ALG1: variants seen among roughly 807,000 people sequenced by gnomAD.
ALG1 encodes the protein chitobiosyldiphosphodolichol beta-mannosyltransferase.
ALG1 carries 58 observed loss-of-function variants against 55.1 expected under a neutral mutation model. That is an observed-to-expected ratio of 1.05 (90% confidence interval 0.85 to 1.31). ALG1 has a LOEUF of 1.31. Among genes scored for constraint, ALG1 ranks in the 50% most tolerant of loss-of-function variants. The pLI, the probability that ALG1 is intolerant of heterozygous loss-of-function variation, is 0.00. For synonymous variants in ALG1, 309 were observed against 247.0 expected, an observed-to-expected ratio of 1.25 and a Z score of -2.35; for missense variants, 761 against 598.6, an observed-to-expected ratio of 1.27 and a Z score of -2.83.
chr16:5,084,371 T>C, intron 12 of ALG1: 1 of 412,698 alleles, frequency 2.4e-6, no homozygotes, highest in Non-Finnish European at 4.6e-6. Context: ...GGCTGTAGTT[T>C]GTGATCCTTG....
Position 5,073,217 on chromosome 16 carries a change from G to C in ALG1, c.351G>C (p.Lys117Asn), listed in dbSNP as rs1342430953. 3 of 1,614,118 alleles carry C rather than the reference G, an allele frequency of 1.9e-6. No individual in the cohort carries two copies. Among genetic ancestry groups the C allele is most frequent in the Non-Finnish European group, 2.5e-6 (3 of 1,180,054 alleles). ...VVLQAMYLLW[K>N]LMWREPGAYI... ...TTCAGGCTATGTACTTGCTGTGGAAGTTGATGTGGAGGGAGCCAGGTGCCT... is the reference window on the plus strand; with the variant it reads ...TTCAGGCTATGTACTTGCTGTGGAACTTGATGTGGAGGGAGCCAGGTGCCT... Residue 117 changes from lysine to asparagine, a missense_variant, in exon 3 of 13, where the codon AAG (lysine) becomes AAC (asparagine). By Grantham distance (94) the Lys-to-Asn change is moderately conservative (BLOSUM62 0). Transcript: ENST00000262374.
Position 5,072,955 on chromosome 16 carries a change from C to G in ALG1, c.213C>G (p.Ser71=), listed in dbSNP as rs1956843713. The change falls in exon 2 of 13, where the codon TCC becomes TCG. Residue 71 remains serine (S), a synonymous_variant. Coordinates refer to ENST00000262374, the MANE Select transcript of ALG1 (RefSeq NM_019109.5). ...FSVTLLGFCN[S]KPHDELLQNN... ...GGGATCATTCTCATTTTTCAGACTCCAAACCCCATGATGAGCTCTTGCAGA... is the reference window on the plus strand; with the variant it reads ...GGGATCATTCTCATTTTTCAGACTCGAAACCCCATGATGAGCTCTTGCAGA... 1.2e-6 allele frequency: 2 copies of G among 1,614,140 alleles called. No homozygotes were observed. Among genetic ancestry groups the G allele is most frequent in the South Asian group, 2.2e-5 (2 of 91,080 alleles).
chr16:5,079,195 G>A, intron 8 of ALG1, 93 bp downstream of exon 8: 1 of 1,522,174 alleles, frequency 6.6e-7, no homozygotes, highest in Admixed American at 1.9e-5. Flanking sequence ...TCCTGTCCCA[G>A]GCCACTGGGT....
intron 10 of ALG1, among the ~76,000 whole-genome samples, chr16:5,082,149 G>A (rs537020240): frequency 2.9e-4 from 42 of 147,222 alleles, no homozygotes; most frequent in Non-Finnish European, 1.7e-4. Context: ...TTCACCATGT[G>A]GGCCAGGCTG....
chr16:5,073,224 T>C lies in ALG1; in HGVS notation c.358T>C (p.Trp120Arg). 6.2e-7 allele frequency: 1 copy of C among 1,614,230 alleles called. No homozygotes were observed. Among genetic ancestry groups the C allele is most frequent in the Non-Finnish European group, 8.5e-7 (1 of 1,180,046 alleles). Residue 120 changes from tryptophan (W) to arginine (R), a missense_variant, in exon 3 of 13, where the codon TGG becomes CGG. By Grantham distance (101) the Trp-to-Arg change is moderately radical. Coordinates refer to ENST00000262374, the MANE Select transcript of ALG1 (RefSeq NM_019109.5). ...TATGTACTTGCTGTGGAAGTTGATG[T>C]GGAGGGAGCCAGGTGCCTATATCTT... ...QAMYLLWKLMWREPGAYIFLQ... is the reference protein window; with the variant it reads ...QAMYLLWKLMRREPGAYIFLQ...
intron 9 of ALG1, among the ~76,000 whole-genome samples, chr16:5,080,411 A>T (rs1355097068): frequency 6.6e-6 from 1 of 152,038 alleles, no homozygotes; most frequent in East Asian, 1.9e-4. Context: ...CAAACGGAAG[A>T]GCCCCTGTCC....
chr16:5,073,550 G>C, intron 3 of ALG1: 1 of 450,322 alleles, frequency 2.2e-6, no homozygotes, highest in Non-Finnish European at 4.1e-6. Flanking sequence ...ACAAGAACCT[G>C]TTTCTTAAGG....
At chr16:5,082,165 G>C (rs1394324084) in intron 10 of ALG1, among the ~76,000 whole-genome samples, 1 of 152,036 alleles carries the variant, frequency 6.6e-6, no homozygotes, top group Non-Finnish European at 1.5e-5. Flanking sequence ...GGCTGGTCTT[G>C]AACTCCTGAC....
At chr16:5,078,117 G>T (rs1956948464) in intron 6 of ALG1, 100 bp downstream of exon 6, 4 of 1,298,048 alleles carry the variant, frequency 3.1e-6, no homozygotes, top group Non-Finnish European at 4.3e-6. Context: ...CCAGGGGTTG[G>T]CAAACTAAGG....
rs1401524002 is a variant in ALG1, at chr16:5,084,822, C to A, written c.1336C>A (p.Gln446Lys). The A allele has an allele frequency of 2.5e-6, 4 of 1,596,354 alleles. No homozygotes were observed. The African/African-American group carries it at 5.3e-5, about 21-fold the overall frequency. Residue 446 changes from glutamine to lysine, a missense_variant, in exon 13 of 13, where the codon CAG (glutamine) becomes AAG (lysine). Gln to Lys is a moderately conservative substitution (Grantham distance 53, BLOSUM62 1). Coordinates refer to ENST00000262374, the MANE Select transcript of ALG1 (RefSeq NM_019109.5). Reference protein sequence around the residue: ...QFRKNLRESQQLRWDESWVQT... With the variant: ...QFRKNLRESQKLRWDESWVQT... ...CCGGAAGAACCTGCGGGAGTCGCAG[C>A]AGCTCCGATGGGATGAGAGCTGGGT...
chr16:5,081,244 C>G (rs928372007), intron 10 of ALG1, among the ~76,000 whole-genome samples, 188 bp downstream of exon 10: 2 of 152,190 alleles, frequency 1.3e-5, no homozygotes, highest in Non-Finnish European at 2.9e-5. Flanking sequence ...GGCCGTTTAC[C>G]AAGGGGTTTG....
intron 4 of ALG1, among the ~76,000 whole-genome samples, 164 bp from the exon 5 acceptor site, chr16:5,077,281 A>G (rs1193211339): frequency 6.6e-6 from 1 of 152,142 alleles, no homozygotes; most frequent in Non-Finnish European, 1.5e-5. Context: ...AACATAAAGG[A>G]GGGTATATAC....
intron 8 of ALG1, 23 bp downstream of exon 8, chr16:5,079,125 G>C: frequency 5.6e-6 from 9 of 1,594,956 alleles, no homozygotes; most frequent in Non-Finnish European, 7.6e-6. Flanking sequence ...CTGCGGTGAG[G>C]AGCTCTGGGC....
rs1229891464 is a variant in ALG1, at chr16:5,086,204, G to A, written c.*1323G>A. On this transcript the variant is annotated 3_prime_UTR_variant, in exon 13 of 13. Transcript: ENST00000262374. ...ACAGAAATTAGCCAGGCATGATGGC[G>A]AGTGCCTGTAATCCCAGCTACTTGG... is the stretch of plus-strand genomic sequence containing the variant. Among the ~76,000 whole-genome samples, 2 of 152,064 alleles carry A rather than the reference G, an allele frequency of 1.3e-5. No homozygotes were observed. Among genetic ancestry groups the A allele is most frequent in the Non-Finnish European group, 2.9e-5 (2 of 67,998 alleles).
intron 4 of ALG1, among the ~76,000 whole-genome samples, chr16:5,076,609 A>G (rs971952487): frequency 6.6e-6 from 1 of 152,126 alleles, no homozygotes; most frequent in Non-Finnish European, 1.5e-5. Flanking sequence ...ATAACCCAGA[A>G]TCGCGCATGC....
chr16:5,086,165 A>T lies in ALG1; in HGVS notation c.*1284A>T, dbSNP rs1957157238. ...AGCCTGGCCAACATGGTGAAATCCC[A>T]TCTCTACAAAAATACAGAAATTAGC... On this transcript the variant is annotated 3_prime_UTR_variant, in exon 13 of 13. Coordinates refer to ENST00000262374, the MANE Select transcript of ALG1 (RefSeq NM_019109.5). Among the ~76,000 whole-genome samples the T allele has an allele frequency of 6.6e-6, 1 of 152,120 alleles. No homozygotes were observed. Among genetic ancestry groups the T allele is most frequent in the Non-Finnish European group, 1.5e-5 (1 of 68,010 alleles).
intron 8 of ALG1, 137 bp from the exon 9 acceptor site, chr16:5,079,611 C>T: frequency 2.0e-6 from 2 of 1,014,798 alleles, no homozygotes; most frequent in East Asian, 2.6e-5. Flanking sequence ...ATTACTTGAA[C>T]CCAGGAGGCA....
In ALG1 at chr16:5,078,939, C is replaced by G. The variant is rs369749168; in HGVS notation, c.862+61C>G. 2.9e-4 allele frequency: 460 copies of G among 1,599,190 alleles called. 2 individuals carry two copies. The highest frequency in any genetic ancestry group is 2.6e-3 in the African/African-American group (193 of 74,602). ...GACGGGCACCTGGCCAACCTGTGTTCTCCTCACCCCTGCCAGTCCTGCATG... is the reference window on the plus strand; with the variant it reads ...GACGGGCACCTGGCCAACCTGTGTTGTCCTCACCCCTGCCAGTCCTGCATG... On this transcript the variant is annotated intron_variant, in intron 7 of 12. Coordinates refer to ENST00000262374, the MANE Select transcript of ALG1 (RefSeq NM_019109.5).
intron 9 of ALG1, 106 bp from the exon 10 acceptor site, chr16:5,080,840 G>A: frequency 6.8e-7 from 1 of 1,460,748 alleles, no homozygotes; most frequent in Admixed American, 1.7e-5. Context: ...CTGAGGGGTG[G>A]AGCTTCTGGG....
Sources: allele counts gnomAD v4.1 joint callset (sites outside exome capture counted in the v4.1 genomes callset), GRCh38; gene constraint gnomAD v4.1.1; transcripts MANE v1.5; gene names NCBI Gene and HGNC (gene_info 2026-07-23, HGNC 2026-07-21).